Variants in ADAMTSL1 observed in about 807,000 individuals in gnomAD.
The protein encoded by ADAMTSL1 is ADAMTS like 1, also known as ADAMTS-like protein 1.
A neutral mutation model predicts 201.8 loss-of-function variants in ADAMTSL1; 126 were observed. The ratio of observed to expected loss-of-function variants is 0.62; its 90% CI spans 0.54 to 0.72. The LOEUF (loss-of-function observed/expected upper bound fraction) is 0.72, where lower values mean the gene tolerates loss of function less well. ADAMTSL1 is among the 30% of genes least tolerant of loss of function. The probability of loss-of-function intolerance (pLI) is 0.00; values close to 1 mark genes in which losing one functional copy is unlikely to be tolerated. For missense variants in ADAMTSL1, 2,679 were observed against 2,277.8 expected (o/e 1.18, Z -3.59); for synonymous variants, 1,121 against 903.4 (o/e 1.24, Z -4.32).
rs571466435 is a variant in ADAMTSL1 at position 18,791,677 on chromosome 9, C to G, written c.3678-3720C>G. Among the ~76,000 whole-genome samples the G allele has an allele frequency of 2.6e-5, 4 of 152,290 alleles. No homozygotes were observed. The East Asian group carries it at 5.8e-4, about 22-fold the overall frequency. On this transcript the variant is annotated intron_variant, in intron 19 of 28. Transcript: ENST00000380548. ...AATAAGTGAGAAATTCAGGCTTTCTCCCATGTAGATTCTGTCTTAAGACAA... is the reference window on the plus strand; with the variant it reads ...AATAAGTGAGAAATTCAGGCTTTCTGCCATGTAGATTCTGTCTTAAGACAA...
At chr9:18,238,161 G>GT (rs1352652404) in intron 2 of ADAMTSL1, among the ~76,000 whole-genome samples, 1 of 152,130 alleles carries the variant, frequency 6.6e-6, no homozygotes, top group African/African-American at 2.4e-5. Context: ...CTGCCATTGT[G>GT]TTTTTTTAAG....
At chr9:18,636,045 G>C in intron 6 of ADAMTSL1, 28 bp downstream of exon 6, 1 of 1,516,148 alleles carries the variant, frequency 6.6e-7, no homozygotes, top group South Asian at 1.2e-5. Context: ...TTTCCTTTGG[G>C]AATTGGGAAT....
chr9:17,959,301 C>T (rs1817628855), intron 1 of ADAMTSL1, among the ~76,000 whole-genome samples: 1 of 152,004 alleles, frequency 6.6e-6, no homozygotes, highest in African/African-American at 2.4e-5. Context: ...TCTTCTTTTG[C>T]ATTAGAGGTC....
chr9:18,260,450 G>A (rs1384272233), intron 2 of ADAMTSL1, among the ~76,000 whole-genome samples: 1 of 152,244 alleles, frequency 6.6e-6, no homozygotes, highest in Non-Finnish European at 1.5e-5. Context: ...GCACCCAGCA[G>A]GGAGAAGGCT....
At chr9:18,862,017 G>C (rs905303977) in intron 23 of ADAMTSL1, among the ~76,000 whole-genome samples, 4 of 152,108 alleles carry the variant, frequency 2.6e-5, no homozygotes, top group African/African-American at 9.7e-5. Context: ...GCGTTCCCCT[G>C]GTAGCTCCAC....
chr9:18,033,380 A>G (rs1586924214), intron 1 of ADAMTSL1, among the ~76,000 whole-genome samples: 1 of 152,216 alleles, frequency 6.6e-6, no homozygotes, highest in Non-Finnish European at 1.5e-5. Context: ...ATCTGTGTCA[A>G]TTAAGAAATA....
chr9:18,163,636 A>G (rs1463990860), intron 1 of ADAMTSL1, among the ~76,000 whole-genome samples: 1 of 152,012 alleles, frequency 6.6e-6, no homozygotes, highest in Non-Finnish European at 1.5e-5. Context: ...TACACCCGTC[A>G]GTTAAGAGGC....
intron 2 of ADAMTSL1, among the ~76,000 whole-genome samples, chr9:18,276,756 GC>G (rs1832604301): frequency 6.6e-6 from 1 of 152,146 alleles, no homozygotes; most frequent in Non-Finnish European, 1.5e-5. Context: ...ATTTTAAACA[GC>G]CAGATCTGGC....
chr9:18,837,467 A>G (rs550724756), intron 23 of ADAMTSL1, among the ~76,000 whole-genome samples: 53 of 152,262 alleles, frequency 3.5e-4, no homozygotes, highest in Non-Finnish European at 3.8e-4. Flanking sequence ...TGTCTCTTAT[A>G]CCACATTCTA....
intron 1 of ADAMTSL1, among the ~76,000 whole-genome samples, chr9:18,024,121 T>C (rs1386998454): frequency 6.6e-6 from 1 of 152,198 alleles, no homozygotes; most frequent in Non-Finnish European, 1.5e-5. Context: ...TCTACTGCTT[T>C]ATTTTTTTAT....
At chr9:18,180,994 T>G (rs1828445786) in intron 2 of ADAMTSL1, among the ~76,000 whole-genome samples, 2 of 152,084 alleles carry the variant, frequency 1.3e-5, no homozygotes, top group South Asian at 2.1e-4. Flanking sequence ...TATCTACAAC[T>G]ATCTGATCTT....
At chr9:18,105,147 C>G (rs946836709) in intron 1 of ADAMTSL1, among the ~76,000 whole-genome samples, 1 of 152,158 alleles carries the variant, frequency 6.6e-6, no homozygotes, top group Non-Finnish European at 1.5e-5. Flanking sequence ...TCGTACAGGA[C>G]ACCGTCTCCG....
chr9:18,409,410 A>G (rs932407244), intron 2 of ADAMTSL1, among the ~76,000 whole-genome samples: 2 of 151,092 alleles, frequency 1.3e-5, no homozygotes, highest in Non-Finnish European at 3.0e-5. Flanking sequence ...AAAAAGAAAA[A>G]GAAAAGAAAA....
At chr9:18,358,539 A>T (rs1367789157) in intron 2 of ADAMTSL1, among the ~76,000 whole-genome samples, 5 of 151,980 alleles carry the variant, frequency 3.3e-5, no homozygotes, top group Non-Finnish European at 7.4e-5. Context: ...TTCTTCCCCA[A>T]CCCTTATCCC....
At chr9:17,907,691 G>C (rs973675108) in intron 1 of ADAMTSL1, among the ~76,000 whole-genome samples, 1 of 152,182 alleles carries the variant, frequency 6.6e-6, no homozygotes, top group Non-Finnish European at 1.5e-5. Flanking sequence ...GCCTGGTAGT[G>C]GTTTATTATC....
chr9:18,576,254 A>G (rs1484784147), intron 4 of ADAMTSL1, among the ~76,000 whole-genome samples: 1 of 152,172 alleles, frequency 6.6e-6, no homozygotes, highest in African/African-American at 2.4e-5. Context: ...AGGCGATGGA[A>G]AAACAAAGAT....
intron 24 of ADAMTSL1, among the ~76,000 whole-genome samples, chr9:18,888,666 G>A (rs1829053104): frequency 1.3e-5 from 2 of 152,164 alleles, no homozygotes; most frequent in Admixed American, 6.5e-5. Context: ...GTGGGAAAGA[G>A]GGAAACTGGC....
rs111510703 is a variant in ADAMTSL1 at position 18,860,615 on chromosome 9, A to C, written c.4250-27216A>C. On this transcript the variant is annotated intron_variant, in intron 23 of 28. Transcript: ENST00000380548. Reference sequence around the variant, plus strand: ...AATTTTTTGACAAGAGTGAAGAGTCAGATGGCAATATGTAAACACCTTATT... The same window carrying C: ...AATTTTTTGACAAGAGTGAAGAGTCCGATGGCAATATGTAAACACCTTATT... 1.8e-4 allele frequency among the ~76,000 whole-genome samples: 27 copies of C among 152,338 alleles called. 1 individual carries two copies. Among genetic ancestry groups the C allele is most frequent in the African/African-American group, 6.3e-4 (26 of 41,574 alleles).
intron 2 of ADAMTSL1, among the ~76,000 whole-genome samples, chr9:18,252,058 A>G (rs1301877412): frequency 6.6e-6 from 1 of 152,154 alleles, no homozygotes; most frequent in African/African-American, 2.4e-5. Flanking sequence ...AGATACTAAA[A>G]GAAAAAAAAT....
Sources: allele counts gnomAD v4.1 joint callset (sites outside exome capture counted in the v4.1 genomes callset), GRCh38; gene constraint gnomAD v4.1.1; transcripts MANE v1.5; gene names NCBI Gene and HGNC (gene_info 2026-07-23, HGNC 2026-07-21).